Variants in IL1RAPL1 observed in about 807,000 individuals in gnomAD.
The protein encoded by IL1RAPL1 is interleukin-1 receptor accessory protein-like 1.
Under a neutral mutation model 48.4 loss-of-function variants are expected in IL1RAPL1, and 3 were observed. The ratio of observed to expected loss-of-function variants is 0.06; its 90% CI spans 0.03 to 0.16. IL1RAPL1 has a LOEUF of 0.16. Ranked by LOEUF, IL1RAPL1 falls within the 10% of genes least tolerant of loss-of-function variation. IL1RAPL1 has a pLI of 1.00. For synonymous variants in IL1RAPL1, 185 were observed against 187.7 expected (o/e 0.99, Z 0.12); for missense variants, 349 against 530.6 (o/e 0.66, Z 3.36).
intron 6 of IL1RAPL1, among the ~76,000 whole-genome samples, chrX:29,833,221 A>T (rs904388582): frequency 8.9e-6 from 1 of 112,086 alleles, no homozygotes; most frequent in Non-Finnish European, 1.9e-5. Flanking sequence ...ATATATACAC[A>T]TATGCACACA....
At chrX:29,753,150 G>C in intron 6 of IL1RAPL1, among the ~76,000 whole-genome samples, 1 of 111,923 alleles carries the variant, frequency 8.9e-6, no homozygotes, top group African/African-American at 3.2e-5. Flanking sequence ...TAAGTAAAAT[G>C]GTGGGACTCA....
rs190975380 is a variant in IL1RAPL1, at chrX:29,055,435, C to T, written c.83-227503C>T. Among the ~76,000 whole-genome samples the T allele has an allele frequency of 1.1e-3, 124 of 111,581 alleles. 3 individuals are homozygous for T. In the East Asian group the frequency reaches 0.03, roughly 27 times the overall value. ...AAGTTTAGAGCTGAAAATGTAGCCA[C>T]GTTCCTAATTCTTGCTCTAGTTATC... On this transcript the variant is annotated intron_variant, in intron 2 of 10. Transcript: ENST00000378993.
At chrX:29,660,028 T>A (rs535662128) in intron 5 of IL1RAPL1, among the ~76,000 whole-genome samples, 1 of 111,145 alleles carries the variant, frequency 9.0e-6, no homozygotes, top group East Asian at 2.8e-4. Flanking sequence ...AGGCACATCT[T>A]CATATGGCAG....
At chrX:29,927,117 C>T (rs1932898211) in intron 8 of IL1RAPL1, among the ~76,000 whole-genome samples, 1 of 111,906 alleles carries the variant, frequency 8.9e-6, no homozygotes. Context: ...CACAAATCAC[C>T]TGGGAACTTT....
At chrX:29,569,504 T>C (rs1294140194) in intron 5 of IL1RAPL1, among the ~76,000 whole-genome samples, 1 of 111,240 alleles carries the variant, frequency 9.0e-6, no homozygotes, top group Non-Finnish European at 1.9e-5. Context: ...CAAAAAATAT[T>C]ATATGACTTC....
rs1921419661 is a variant in IL1RAPL1 at position 29,540,992 on chromosome X, A to G, written c.704-127438A>G. On this transcript the variant is annotated intron_variant, in intron 5 of 10. Transcript: ENST00000378993. ...AAGAAACTGTCAGCAGAGTAAACAG[A>G]CAACCTACAGAATGGGAGAAAATAT... Among the ~76,000 whole-genome samples the G allele has an allele frequency of 2.7e-5, 3 of 112,193 alleles. No individual in the cohort carries two copies. In the South Asian group the frequency reaches 1.1e-3, roughly 41 times the overall value.
chrX:29,899,422 A>G (rs12833781), intron 6 of IL1RAPL1, among the ~76,000 whole-genome samples: 3,587 of 111,599 alleles, frequency 0.032, 119 homozygotes, highest in Admixed American at 0.14. Flanking sequence ...CAATATTAGA[A>G]TGGACTGAGA....
At chrX:29,562,397 T>C (rs1179480228) in intron 5 of IL1RAPL1, among the ~76,000 whole-genome samples, 1 of 111,198 alleles carries the variant, frequency 9.0e-6, no homozygotes, top group Non-Finnish European at 1.9e-5. Flanking sequence ...AGAGAGACAC[T>C]AGAAGGATGG....
chrX:29,841,014 A>G (rs914953296), intron 6 of IL1RAPL1, among the ~76,000 whole-genome samples: 6 of 112,123 alleles, frequency 5.4e-5, no homozygotes, highest in African/African-American at 1.9e-4. Flanking sequence ...ATTTGCTGTT[A>G]TGTCTTAAAA....
intron 1 of IL1RAPL1, among the ~76,000 whole-genome samples, chrX:28,744,205 T>C (rs1262097111): frequency 1.2e-4 from 13 of 111,516 alleles, no homozygotes; most frequent in African/African-American, 4.2e-4. Flanking sequence ...AGTCTTTACA[T>C]CTTTCCATGC....
intron 3 of IL1RAPL1, among the ~76,000 whole-genome samples, chrX:29,356,327 C>T (rs1366889875): frequency 2.8e-5 from 3 of 108,571 alleles, no homozygotes; most frequent in African/African-American, 1.0e-4. Context: ...ATGTACTCAA[C>T]GTGTATCTTT....
intron 3 of IL1RAPL1, among the ~76,000 whole-genome samples, chrX:29,384,654 C>A (rs981249552): frequency 8.9e-6 from 1 of 112,169 alleles, no homozygotes; most frequent in African/African-American, 3.2e-5. Flanking sequence ...GTTTATGGCA[C>A]CCCCTCATTC....
At chrX:28,793,879 A>G (rs1035949405) in intron 2 of IL1RAPL1, among the ~76,000 whole-genome samples, 5 of 111,054 alleles carry the variant, frequency 4.5e-5, no homozygotes, top group Non-Finnish European at 7.5e-5. Context: ...TGCAAGGACC[A>G]TGATTAATGT....
chrX:29,004,081 G>A (rs1018016290), intron 2 of IL1RAPL1, among the ~76,000 whole-genome samples: 2 of 111,055 alleles, frequency 1.8e-5, no homozygotes, highest in Non-Finnish European at 3.8e-5. Context: ...GGCAGAGGTT[G>A]CAGTAAGCCC....
intron 2 of IL1RAPL1, among the ~76,000 whole-genome samples, chrX:29,119,278 A>G (rs1050447867): frequency 9.0e-6 from 1 of 111,293 alleles, no homozygotes; most frequent in Non-Finnish European, 1.9e-5. Context: ...TAATTCTCCA[A>G]AAGTGGGAAC....
chrX:29,436,458 G>A (rs185086387), intron 5 of IL1RAPL1, among the ~76,000 whole-genome samples: 1 of 109,734 alleles, frequency 9.1e-6, no homozygotes, highest in Non-Finnish European at 1.9e-5. Context: ...ATAGAAGTTA[G>A]GGCTTAAATT....
At chrX:29,362,326 G>A (rs1262869451) in intron 3 of IL1RAPL1, among the ~76,000 whole-genome samples, 5 of 111,825 alleles carry the variant, frequency 4.5e-5, no homozygotes, top group Non-Finnish European at 9.4e-5. Context: ...CCTGTAATAG[G>A]TGCTCAATAA....
At chrX:28,698,610 C>T (rs1459881794) in intron 1 of IL1RAPL1, among the ~76,000 whole-genome samples, 1 of 111,199 alleles carries the variant, frequency 9.0e-6, no homozygotes, top group African/African-American at 3.3e-5. Context: ...AAATAGGCTA[C>T]CTGTCTTAAT....
chrX:29,029,885 T>A (rs1320839444), intron 2 of IL1RAPL1, among the ~76,000 whole-genome samples: 1 of 110,857 alleles, frequency 9.0e-6, no homozygotes, highest in African/African-American at 3.3e-5. Context: ...TACATATCAA[T>A]CTATGACCCA....
Sources: gnomAD v4.1 joint callset for allele counts (sites outside exome capture counted in the v4.1 genomes callset) on GRCh38, gnomAD v4.1.1 for gene constraint, MANE v1.5 for transcripts, NCBI Gene and HGNC (gene_info 2026-07-23, HGNC 2026-07-21) for gene names.